The following NBEA variants were observed in gnomAD, a reference collection of about 807,000 sequenced individuals.
The protein encoded by NBEA is lysosomal-trafficking regulator 2.
A neutral mutation model predicts 343.4 loss-of-function variants in NBEA; 44 were observed. The observed-to-expected ratio is 0.13, with a 90% CI of 0.10 to 0.16. NBEA has a LOEUF of 0.16. NBEA is among the 10% of genes least tolerant of loss of function. The pLI is 1.00. For missense variants in NBEA, 2,555 were observed against 3,631.3 expected (o/e 0.70, Z 7.62); for synonymous variants, 1,175 against 1,238.7 (o/e 0.95, Z 1.08).
At chr13:35,355,923 T>C (rs1594330467) in intron 38 of NBEA, among the ~76,000 whole-genome samples, 1 of 152,164 alleles carries the variant, frequency 6.6e-6, no homozygotes, top group South Asian at 2.1e-4. Flanking sequence ...ATTACTTTGA[T>C]ACTAAAATTT....
intron 36 of NBEA, among the ~76,000 whole-genome samples, chr13:35,319,837 A>G (rs902654954): frequency 3.3e-5 from 5 of 151,484 alleles, no homozygotes; most frequent in African/African-American, 7.3e-5. Flanking sequence ...TCCCTTTACC[A>G]TTACATAATT....
At chr13:35,440,582 A>T (rs1361270638) in intron 39 of NBEA, among the ~76,000 whole-genome samples, 2 of 152,210 alleles carry the variant, frequency 1.3e-5, no homozygotes, top group African/African-American at 4.8e-5. Flanking sequence ...CACATAATAC[A>T]ACATAATGTA....
At chr13:35,569,636 T>C (rs961900112) in intron 45 of NBEA, among the ~76,000 whole-genome samples, 6 of 152,190 alleles carry the variant, frequency 3.9e-5, no homozygotes. Flanking sequence ...TGAAAGAGTG[T>C]ACAGGAGTGA....
chr13:35,156,090 T>G lies in NBEA; in HGVS notation c.2535T>G (p.Leu845=). 3 of 1,580,132 alleles carry G rather than the reference T, an allele frequency of 1.9e-6. No homozygotes were observed. In the South Asian group the frequency reaches 3.6e-5, roughly 19 times the overall value. ...STVKIQNPMI[L]KVVATLLKNS... is the part of the protein sequence containing the mutation. ...TTTTTTCTTTGTTTACAGTGATTCT[T>G]AAAGTGGTGGCAACTTTGTTAAAAA... The change falls in exon 20 of 59, where the codon CTT becomes CTG. Residue 845 remains leucine (L), a synonymous_variant. Coordinates refer to ENST00000379939, the MANE Select transcript of NBEA (RefSeq NM_001385012.1).
In NBEA at chr13:35,507,263, C is replaced by T. The variant is rs537033294; in HGVS notation, c.6585+34727C>T. 1.7e-3 allele frequency among the ~76,000 whole-genome samples: 261 copies of T among 152,266 alleles called. 1 individual carries two copies. The highest frequency in any genetic ancestry group is 3.4e-3 in the Middle Eastern group (1 of 294). On this transcript the variant is annotated intron_variant, in intron 41 of 58. Coordinates refer to ENST00000379939, the MANE Select transcript of NBEA (RefSeq NM_001385012.1). ...TTCTTTGCCAAAATTCTCTCCTTTT[C>T]TTCAACCACCTAATGTTGGAGTGTC...
At chr13:35,126,956 A>G (rs2067168377) in intron 17 of NBEA, among the ~76,000 whole-genome samples, 1 of 151,776 alleles carries the variant, frequency 6.6e-6, no homozygotes, top group South Asian at 2.1e-4. Flanking sequence ...TAATAATGGC[A>G]TAAATGGAGT....
chr13:35,329,699 A>C (rs1393880551), intron 36 of NBEA, among the ~76,000 whole-genome samples: 1 of 152,062 alleles, frequency 6.6e-6, no homozygotes, highest in Non-Finnish European at 1.5e-5. Context: ...AAAAGGTAAC[A>C]AAAGAACATT....
intron 33 of NBEA, among the ~76,000 whole-genome samples, chr13:35,212,146 T>C (rs2073818570): frequency 6.6e-6 from 1 of 152,176 alleles, no homozygotes; most frequent in South Asian, 2.1e-4. Flanking sequence ...CAGGAACGCC[T>C]ACTTTGCACT....
chr13:35,539,036 G>C (rs773436400), intron 41 of NBEA, among the ~76,000 whole-genome samples: 4 of 152,088 alleles, frequency 2.6e-5, no homozygotes, highest in Non-Finnish European at 4.4e-5. Flanking sequence ...TAATTCTTTT[G>C]CATATGTTTC....
At chr13:35,575,082 AGAT>A (rs1426408071) in intron 45 of NBEA, among the ~76,000 whole-genome samples, 5 of 152,216 alleles carry the variant, frequency 3.3e-5, no homozygotes, top group Admixed American at 6.5e-5. Context: ...TTTAGATCAA[AGAT>A]GATCTTTCTT....
At chr13:35,475,322 G>T (rs781244188) in intron 41 of NBEA, 3 of 1,613,928 alleles carry the variant, frequency 1.9e-6, no homozygotes, top group African/African-American at 2.7e-5. Context: ...GTCTTCATAT[G>T]GTAATTGTTC....
chr13:35,315,235 C>G (rs2037637823), intron 36 of NBEA, among the ~76,000 whole-genome samples: 1 of 152,144 alleles, frequency 6.6e-6, no homozygotes, highest in African/African-American at 2.4e-5. Flanking sequence ...AACAGCTACA[C>G]TTTTGAATAC....
intron 10 of NBEA, among the ~76,000 whole-genome samples, chr13:35,094,343 C>T (rs930815604): frequency 6.6e-6 from 1 of 152,046 alleles, no homozygotes; most frequent in Non-Finnish European, 1.5e-5. Context: ...ATTTCATGTG[C>T]TATCTTATGT....
intron 54 of NBEA, 36 bp from the exon 55 acceptor site, chr13:35,655,543 A>G (rs1256442125): frequency 1.3e-6 from 2 of 1,582,840 alleles, no homozygotes; most frequent in Admixed American, 3.4e-5. Flanking sequence ...GAAGAAAAAG[A>G]CTAAATGAAG....
At chr13:35,560,353 T>C (rs923291977) in intron 44 of NBEA, among the ~76,000 whole-genome samples, 1 of 152,214 alleles carries the variant, frequency 6.6e-6, no homozygotes, top group Non-Finnish European at 1.5e-5. Context: ...ATTTTGTAAT[T>C]TTCTTTTACA....
chr13:34,997,432 A>G (rs1449988323), intron 1 of NBEA, among the ~76,000 whole-genome samples: 1 of 146,358 alleles, frequency 6.8e-6, no homozygotes, highest in Non-Finnish European at 1.6e-5. Context: ...ATTCTTCCTT[A>G]TTATTATTTC....
intron 31 of NBEA, among the ~76,000 whole-genome samples, chr13:35,205,028 A>C (rs746006395): frequency 1.3e-5 from 2 of 152,162 alleles, no homozygotes; most frequent in African/African-American, 4.8e-5. Flanking sequence ...TTTAAAAGAT[A>C]ATTAATTTGT....
At chr13:35,314,019 T>A (rs1012761488) in intron 36 of NBEA, among the ~76,000 whole-genome samples, 9 of 152,188 alleles carry the variant, frequency 5.9e-5, no homozygotes, top group Admixed American at 5.9e-4. Context: ...AAGGCAATAT[T>A]GACAGCATAA....
intron 1 of NBEA, among the ~76,000 whole-genome samples, chr13:34,968,237 A>G (rs2059889422): frequency 1.3e-5 from 2 of 152,136 alleles, no homozygotes; most frequent in African/African-American, 4.8e-5. Flanking sequence ...CCAACCTGGA[A>G]GCATCCTGGA....
Sources: gnomAD v4.1 joint callset for allele counts (sites outside exome capture counted in the v4.1 genomes callset) on GRCh38, gnomAD v4.1.1 for gene constraint, MANE v1.5 for transcripts, NCBI Gene and HGNC (gene_info 2026-07-23, HGNC 2026-07-21) for gene names.